The following SPNS2 variants were observed in gnomAD, a reference collection of about 807,000 sequenced individuals.
SPNS2 encodes SPNS lysolipid transporter 2, sphingosine-1-phosphate, also known as sphingosine-1-phosphate transporter SPNS2.
In SPNS2, 37 loss-of-function variants were observed where a neutral mutation model predicts 57.6. The observed-to-expected ratio is 0.64, with a 90% confidence interval of 0.49 to 0.85. The LOEUF (loss-of-function observed/expected upper bound fraction) is 0.85. Among genes scored for constraint, SPNS2 ranks in the 40% least tolerant of loss-of-function variants. SPNS2 has a pLI of 0.00. For synonymous variants in SPNS2, 440 were observed against 346.9 expected (o/e 1.27, Z -2.98); for missense variants, 831 against 779.1 (o/e 1.07, Z -0.79).
At chr17:4,524,789 C>T (rs1221821986) in intron 2 of SPNS2, among the ~76,000 whole-genome samples, 3 of 152,246 alleles carry the variant, frequency 2.0e-5, no homozygotes, top group African/African-American at 4.8e-5. Flanking sequence ...GATCTTGACT[C>T]TTTTAAAAAG....
At chr17:4,522,840 G>T (rs930164157) in intron 2 of SPNS2, among the ~76,000 whole-genome samples, 2 of 152,190 alleles carry the variant, frequency 1.3e-5, no homozygotes, top group African/African-American at 4.8e-5. Flanking sequence ...GACCTCCAAG[G>T]CCCCTCCCAT....
intron 7 of SPNS2, 35 bp from the exon 8 acceptor site, chr17:4,533,208 C>T: frequency 6.3e-7 from 1 of 1,582,316 alleles, no homozygotes; most frequent in Admixed American, 1.7e-5. Context: ...CCTGAGCCGC[C>T]TCAACTCGTG....
intron 8 of SPNS2, 89 bp downstream of exon 8, chr17:4,533,521 A>G: frequency 7.3e-7 from 1 of 1,377,478 alleles, no homozygotes; most frequent in Non-Finnish European, 9.8e-7. Context: ...GACTTACTGG[A>G]TGTTCCCTTC....
At chr17:4,530,257 A>T (rs1334985355) in intron 3 of SPNS2, among the ~76,000 whole-genome samples, 5 of 152,262 alleles carry the variant, frequency 3.3e-5, no homozygotes, top group African/African-American at 1.2e-4. Context: ...TGGTGGCTTG[A>T]GGCTCCCGAA....
intron 2 of SPNS2, 21 bp downstream of exon 2, chr17:4,513,333 TC>T (rs759276252): frequency 5.0e-6 from 8 of 1,610,244 alleles, no homozygotes; most frequent in East Asian, 2.2e-5. Flanking sequence ...CCTCCCACCT[TC>T]CCCCCCACGC....
At chr17:4,536,236 CT>C (rs1213581611) in intron 10 of SPNS2, 26 bp from the exon 11 acceptor site, 1 of 1,609,838 alleles carries the variant, frequency 6.2e-7, no homozygotes. Flanking sequence ...GGGCTCTGCC[CT>C]GACATCCACC....
At chr17:4,530,134 C>T (rs1220253445) in intron 3 of SPNS2, among the ~76,000 whole-genome samples, 1 of 151,662 alleles carries the variant, frequency 6.6e-6, no homozygotes, top group Non-Finnish European at 1.5e-5. Context: ...CTCTGGGTCC[C>T]CTGGGCTTCC....
chr17:4,499,206 G>T lies in SPNS2; in HGVS notation c.159G>T (p.Ala53=). ...RGAGGAGVSA[A]GDEVQTLSGS... The stretch of plus-strand genomic sequence containing the variant: ...CGGGCGGCGCTGGAGTCTCGGCCGC[G>T]GGCGATGAGGTGCAGACGCTGTCGG... The change falls in exon 1 of 13, where the codon GCG becomes GCT. Residue 53 remains alanine (A), a synonymous_variant. Coordinates refer to ENST00000329078, the MANE Select transcript of SPNS2 (RefSeq NM_001124758.3). The surrounding 1 kb of genome is among the most constrained non-coding windows in gnomAD (Gnocchi z 5.2). 7.2e-7 allele frequency: 1 copy of T among 1,391,884 alleles called. No homozygotes were observed. Among genetic ancestry groups the T allele is most frequent in the Non-Finnish European group, 9.3e-7 (1 of 1,073,688 alleles). 86.2% of individuals were successfully genotyped at this position (1,391,884 alleles called of 1,614,324 possible). A position where few individuals can be genotyped will look rare whatever the true frequency, so the allele number is the denominator to read the frequency against.
In SPNS2 at chr17:4,511,041, C is replaced by T. The variant is rs772412145; in HGVS notation, c.371-2206C>T. The stretch of plus-strand genomic sequence containing the variant: ...ATACCAGCACAGATAGTGAGGACAG[C>T]GTCTGTACCATCTTCAAAGCCTCAC... On this transcript the variant is annotated intron_variant, in intron 1 of 12. Transcript: ENST00000329078. This position sits in a 1 kb window ranked among gnomAD's most constrained non-coding sequence, Gnocchi z 4.6. Among the ~76,000 whole-genome samples, 2 of 152,216 alleles carry T rather than the reference C, an allele frequency of 1.3e-5. No homozygotes were observed. The highest frequency in any genetic ancestry group is 4.8e-5 in the African/African-American group (2 of 41,448).
intron 9 of SPNS2, among the ~76,000 whole-genome samples, chr17:4,534,207 C>T (rs897867278): frequency 1.3e-5 from 2 of 152,192 alleles, no homozygotes; most frequent in Non-Finnish European, 2.9e-5. Flanking sequence ...AGGCTCTGCC[C>T]TCTCTACTCA....
Position 4,516,316 on chromosome 17 carries a change from C to CAAAAAAAAAAAAAAAAAAAAAAA in SPNS2, c.436+3009_436+3031dup, listed in dbSNP as rs67710825. On this transcript the variant is annotated intron_variant, in intron 2 of 12. Coordinates refer to ENST00000329078, the MANE Select transcript of SPNS2 (RefSeq NM_001124758.3). The stretch of plus-strand genomic sequence containing the variant: ...GTGACAGAGTGAGACTCTATCTCCC[C>CAAAAAAAAAAAAAAAAAAAAAAA]AAAAAAAAAAAAAAAAAAAAAAAAA... Among the ~76,000 whole-genome samples, 4 of 67,510 alleles carry CAAAAAAAAAAAAAAAAAAAAAAA rather than the reference C, an allele frequency of 5.9e-5. 1 individual carries two copies. The highest frequency in any genetic ancestry group is 3.0e-4 in the African/African-American group (4 of 13,460). 44.3% of individuals were successfully genotyped at this position (67,510 alleles called of 152,430 possible).
In SPNS2 at chr17:4,536,285, G is replaced by A. The variant is rs1315886133; in HGVS notation, c.1466G>A (p.Ser489Asn). Residue 489 changes from serine (S) to asparagine (N), a missense_variant, in exon 11 of 13, where the codon AGC (serine) becomes AAC (asparagine). Transcript: ENST00000329078. ...CAGATCTCAGACCTGATCCGCCAGA[G>A]CACTAAGGACTCCCCGCTCTGGGAG... ...IGFISDLIRQ[S>N]TKDSPLWEFL... The A allele has an allele frequency of 6.2e-7, 1 of 1,612,522 alleles. No homozygotes were observed. Among genetic ancestry groups the A allele is most frequent in the Non-Finnish European group, 8.5e-7 (1 of 1,179,940 alleles).
chr17:4,531,135 C>T lies in SPNS2; in HGVS notation c.792+16C>T. 6.2e-7 allele frequency: 1 copy of T among 1,613,522 alleles called. No homozygotes were observed. The highest frequency in any genetic ancestry group is 1.7e-4 in the Middle Eastern group (1 of 6,058). On this transcript the variant is annotated intron_variant, in intron 5 of 12. Transcript: ENST00000329078. ...GGCATTGCGGGTAAGCCCTACGTCC[C>T]TTCCCATGAGGACACCCTCCGGTCC...
intron 1 of SPNS2, among the ~76,000 whole-genome samples, chr17:4,500,047 G>A (rs543177038): frequency 6.6e-6 from 1 of 152,274 alleles, no homozygotes; most frequent in South Asian, 2.1e-4. Context: ...CCCAGGCTGC[G>A]GTTTGCAGCT....
At chr17:4,537,403 G>C (rs565562981) in intron 12 of SPNS2, 50 bp from the exon 13 acceptor site, 8 of 410,868 alleles carry the variant, frequency 1.9e-5, no homozygotes, top group Non-Finnish European at 2.5e-5. Context: ...GGGCAGCCTT[G>C]GCACAGGCCC....
Position 4,528,030 on chromosome 17 carries a change from CT to C in SPNS2, c.574-2592del, listed in dbSNP as rs796081470. 1.9e-3 allele frequency among the ~76,000 whole-genome samples: 273 copies of C among 146,576 alleles called. 2 individuals are homozygous for C. The highest frequency in any genetic ancestry group is 6.2e-3 in the African/African-American group (248 of 40,206). The stretch of plus-strand genomic sequence containing the variant: ...AATGGTGTGTATGTATGACTCTTTT[CT>C]TTTTTTTTTAGACGGAGTTTCGCTC... On this transcript the variant is annotated intron_variant, in intron 3 of 12. Transcript: ENST00000329078.
intron 2 of SPNS2, among the ~76,000 whole-genome samples, chr17:4,517,931 G>A (rs929920760): frequency 2.0e-5 from 3 of 152,226 alleles, no homozygotes. Context: ...GTGAGTTAAT[G>A]AGTAGACTAC....
chr17:4,525,251 CTAGT>C lies in SPNS2; in HGVS notation c.573+59_573+62del, dbSNP rs1275297404. 11 of 1,591,146 alleles carry C rather than the reference CTAGT, an allele frequency of 6.9e-6. No homozygotes were observed. The African/African-American group carries it at 1.2e-4, about 17-fold the overall frequency. On this transcript the variant is annotated intron_variant, in intron 3 of 12. Coordinates refer to ENST00000329078, the MANE Select transcript of SPNS2 (RefSeq NM_001124758.3). The stretch of plus-strand genomic sequence containing the variant: ...GTGTCCTGGTCCCTCCAGCGAGTGG[CTAGT>C]CTTATTGGCCTGTTGAAGAATCCAG...
At chr17:4,530,194 C>T (rs1323338994) in intron 3 of SPNS2, among the ~76,000 whole-genome samples, 1 of 152,158 alleles carries the variant, frequency 6.6e-6, no homozygotes, top group Non-Finnish European at 1.5e-5. Flanking sequence ...GCCCTCAGTG[C>T]TGCCAGGGTT....
Sources: gnomAD v4.1 joint callset for allele counts (sites outside exome capture counted in the v4.1 genomes callset) on GRCh38, gnomAD v4.1.1 for gene constraint, Gnocchi (gnomAD v3.1) non-coding constraint, MANE v1.5 for transcripts, NCBI Gene and HGNC (gene_info 2026-07-23, HGNC 2026-07-21) for gene names.